CFAP97D2: variants seen among roughly 807,000 people sequenced by gnomAD.
CFAP97D2 encodes the protein uncharacterized protein CFAP97D2.
rs181217439 is a variant in CFAP97D2 at position 114,221,358 on chromosome 13, A to G, written c.481-1140A>G. Among the ~76,000 whole-genome samples, 426 of 152,396 alleles carry G rather than the reference A, an allele frequency of 2.8e-3. 2 individuals carry two copies. Among genetic ancestry groups the G allele is most frequent in the African/African-American group, 9.6e-3 (400 of 41,602 alleles). ...CTTTACCATCCAGCAACAAGCCAAC[A>G]TGGCTCAGTTTACTGATTCCGGGAA... On this transcript the variant is annotated intron_variant, in intron 4 of 4. Transcript: ENST00000646158.
intron 4 of CFAP97D2, among the ~76,000 whole-genome samples, chr13:114,219,486 T>C (rs2081010520): frequency 6.6e-6 from 1 of 152,214 alleles, no homozygotes; most frequent in Non-Finnish European, 1.5e-5. Context: ...TCTTCCTGCT[T>C]TATGTAACAG....
rs1313395169 is a variant in CFAP97D2, at chr13:114,211,490, G to A, written c.291-422G>A. 6.6e-6 allele frequency among the ~76,000 whole-genome samples: 1 copy of A among 152,056 alleles called. No individual in the cohort carries two copies. Among genetic ancestry groups the A allele is most frequent in the Non-Finnish European group, 1.5e-5 (1 of 68,016 alleles). ...CCTCCCTCACCTCTCTCCCATGGGC[G>A]CCTGGGTGCTTGCCCTCCCCGCCTG... On this transcript the variant is annotated intron_variant, in intron 3 of 4. Transcript: ENST00000646158. The surrounding 1 kb of genome is among the most constrained non-coding windows in gnomAD (Gnocchi z 4.2).
At chr13:114,206,769 C>T (rs189333167) in intron 3 of CFAP97D2, among the ~76,000 whole-genome samples, 63 of 152,286 alleles carry the variant, frequency 4.1e-4, no homozygotes, top group African/African-American at 1.1e-3. Context: ...GAACTGCACA[C>T]GATAAATGAG....
At chr13:114,206,523 G>A (rs192815679) in intron 3 of CFAP97D2, among the ~76,000 whole-genome samples, 109 of 152,326 alleles carry the variant, frequency 7.2e-4, no homozygotes, top group Non-Finnish European at 1.2e-3. Context: ...ATTGACACGG[G>A]CTACAACATG....
chr13:114,188,666 G>T (rs546512926), intron 1 of CFAP97D2, among the ~76,000 whole-genome samples: 8 of 151,206 alleles, frequency 5.3e-5, no homozygotes, highest in African/African-American at 1.9e-4. Context: ...AGTCCCAGCT[G>T]CTTGGGAGGC....
rs968501979 is a variant in CFAP97D2, at chr13:114,222,054, G to A, written c.481-444G>A. On this transcript the variant is annotated intron_variant, in intron 4 of 4. Transcript: ENST00000646158. The surrounding 1 kb of genome is among the most constrained non-coding windows in gnomAD (Gnocchi z 4.4). ...AAGGAATGATACTAGTTACAGAATG[G>A]ATAAACCTTAAAGACATTATTATGT... Among the ~76,000 whole-genome samples, 7 of 152,184 alleles carry A rather than the reference G, an allele frequency of 4.6e-5. No homozygotes were observed. Among genetic ancestry groups the A allele is most frequent in the Non-Finnish European group, 1.0e-4 (7 of 68,028 alleles).
chr13:114,193,454 T>C (rs537907452), intron 1 of CFAP97D2, among the ~76,000 whole-genome samples: 146 of 152,154 alleles, frequency 9.6e-4, no homozygotes, highest in Non-Finnish European at 1.5e-3. Context: ...TGGCAGCTGG[T>C]GTCTGGTGAG....
Position 114,220,241 on chromosome 13 carries a change from G to A in CFAP97D2, c.481-2257G>A, listed in dbSNP as rs373926608. 6.6e-5 allele frequency among the ~76,000 whole-genome samples: 10 copies of A among 152,048 alleles called. No individual in the cohort carries two copies. The East Asian group carries it at 1.6e-3, about 24-fold the overall frequency. On this transcript the variant is annotated intron_variant, in intron 4 of 4. Coordinates refer to ENST00000646158, the Ensembl canonical transcript of CFAP97D2. ...CCAGCTGCCAGACCTTTGGGATCCG[G>A]GATCTTTGCTCTGGGATCTTCGCTG...
chr13:114,207,590 C>T lies in CFAP97D2; in HGVS notation c.291-4322C>T, dbSNP rs59523795. ...GATCTGACAGGAGGTGGAGCTCAGGCAGTAATGCCAGCAATGGGGAGTGGC... is the reference window on the plus strand; with the variant it reads ...GATCTGACAGGAGGTGGAGCTCAGGTAGTAATGCCAGCAATGGGGAGTGGC... On this transcript the variant is annotated intron_variant, in intron 3 of 4. Transcript: ENST00000646158. This position sits in a 1 kb window ranked among gnomAD's most constrained non-coding sequence, Gnocchi z 4.9. Among the ~76,000 whole-genome samples the T allele has an allele frequency of 5.8e-3, 882 of 152,324 alleles. 21 individuals are homozygous for T. Among genetic ancestry groups the T allele is most frequent in the Admixed American group, 0.051 (786 of 15,294 alleles).
intron 4 of CFAP97D2, among the ~76,000 whole-genome samples, chr13:114,222,000 C>T (rs1305961453): frequency 6.6e-6 from 1 of 152,144 alleles, no homozygotes; most frequent in Non-Finnish European, 1.5e-5. Context: ...GTGGTATAGC[C>T]ATAGAATGGA....
chr13:114,200,708 C>T (rs1447052892), intron 3 of CFAP97D2, among the ~76,000 whole-genome samples: 4 of 152,256 alleles, frequency 2.6e-5, no homozygotes, highest in African/African-American at 9.6e-5. Context: ...AGACACTCCT[C>T]TGAACCTGCT....
At chr13:114,217,563 A>C (rs1158365018) in intron 4 of CFAP97D2, among the ~76,000 whole-genome samples, 4 of 152,198 alleles carry the variant, frequency 2.6e-5, no homozygotes, top group Non-Finnish European at 5.9e-5. Flanking sequence ...CCTGGCAGAG[A>C]CACAACAAAG....
At chr13:114,198,600 C>A (rs985832053) in intron 2 of CFAP97D2, among the ~76,000 whole-genome samples, 1 of 152,266 alleles carries the variant, frequency 6.6e-6, no homozygotes. Context: ...GCGTTCCAAT[C>A]CATGGGCAAA....
intron 4 of CFAP97D2, among the ~76,000 whole-genome samples, chr13:114,220,944 G>A (rs1414397993): frequency 6.6e-6 from 1 of 152,236 alleles, no homozygotes; most frequent in Non-Finnish European, 1.5e-5. Flanking sequence ...TTGCAAAAAT[G>A]ACTGTGAAAG....
chr13:114,204,136 G>C (rs1306050066), intron 3 of CFAP97D2, among the ~76,000 whole-genome samples: 2 of 152,150 alleles, frequency 1.3e-5, no homozygotes, highest in Non-Finnish European at 2.9e-5. Flanking sequence ...AATACATTTC[G>C]AGGAGGCAGC....
Position 114,220,511 on chromosome 13 carries a change from C to T in CFAP97D2, c.481-1987C>T, listed in dbSNP as rs372538558. Reference sequence around the variant, plus strand: ...TTCCATCCTCCTTACCCCTTCAAGTCATTTATCCCTAACTCCAAAATGAGA... The same window carrying T: ...TTCCATCCTCCTTACCCCTTCAAGTTATTTATCCCTAACTCCAAAATGAGA... On this transcript the variant is annotated intron_variant, in intron 4 of 4. Coordinates refer to ENST00000646158, the Ensembl canonical transcript of CFAP97D2. 4.6e-5 allele frequency among the ~76,000 whole-genome samples: 7 copies of T among 152,300 alleles called. No homozygotes were observed. In the East Asian group the frequency reaches 1.4e-3, roughly 29 times the overall value.
At chr13:114,191,475 C>A (rs2080869282) in intron 1 of CFAP97D2, among the ~76,000 whole-genome samples, 2 of 152,184 alleles carry the variant, frequency 1.3e-5, no homozygotes, top group Non-Finnish European at 2.9e-5. Context: ...TTAGCAGACA[C>A]CTCACCAAAG....
intron 1 of CFAP97D2, among the ~76,000 whole-genome samples, chr13:114,181,757 AC>A (rs1217988752): frequency 1.3e-5 from 2 of 152,172 alleles, no homozygotes; most frequent in African/African-American, 4.8e-5. Flanking sequence ...GAGAAAAAAG[AC>A]CTGTGGGAGA....
At chr13:114,205,852 G>C (rs1481011831) in intron 3 of CFAP97D2, among the ~76,000 whole-genome samples, 1 of 152,164 alleles carries the variant, frequency 6.6e-6, no homozygotes, top group Non-Finnish European at 1.5e-5. Context: ...GGGCTGGGCA[G>C]AACAATGCCA....
Sources: gnomAD v4.1 joint callset for allele counts (sites outside exome capture counted in the v4.1 genomes callset) on GRCh38, gnomAD v4.1.1 for gene constraint, Gnocchi (gnomAD v3.1) non-coding constraint, MANE v1.5 for transcripts, NCBI Gene and HGNC (gene_info 2026-07-23, HGNC 2026-07-21) for gene names.